The following COL19A1 variants were observed in gnomAD, a reference collection of about 807,000 sequenced individuals.
COL19A1 encodes collagen type XIX alpha 1 chain.
Under a neutral mutation model 190.2 loss-of-function variants are expected in COL19A1, and 159 were observed. The observed-to-expected ratio is 0.84, with a 90% CI of 0.73 to 0.95. The LOEUF (loss-of-function observed/expected upper bound fraction) is 0.95, where lower values mean the gene tolerates loss of function less well. Among genes scored for constraint, COL19A1 ranks in the 40% least tolerant of loss-of-function variants. The pLI is 0.00. For synonymous variants in COL19A1, 509 were observed against 458.9 expected, an observed-to-expected ratio of 1.11 and a Z score of -1.39; for missense variants, 1,418 against 1,431.9, an observed-to-expected ratio of 0.99 and a Z score of 0.16.
At chr6:69,932,900 C>T (rs370416216) in intron 7 of COL19A1, 37 bp downstream of exon 7, 66 of 1,357,202 alleles carry the variant, frequency 4.9e-5, no homozygotes, top group African/African-American at 1.9e-4. Flanking sequence ...GAATGAAGAA[C>T]GCCAATTATC....
Position 69,962,772 on chromosome 6 carries a change from A to G in COL19A1, c.982-54A>G. The G allele has an allele frequency of 3.4e-6, 4 of 1,192,228 alleles. No homozygotes were observed. The East Asian group carries it at 1.0e-4, about 30-fold the overall frequency. 73.9% of individuals were successfully genotyped at this position (1,192,228 alleles called of 1,614,324 possible). ...ACATAATTTTTATTGTAAAAATTGC[A>G]TGTGTTATAAGTATCATTTTTATTA... On this transcript the variant is annotated intron_variant, in intron 10 of 50. Coordinates refer to ENST00000620364, the MANE Select transcript of COL19A1 (RefSeq NM_001858.6).
intron 10 of COL19A1, among the ~76,000 whole-genome samples, chr6:69,960,319 G>A (rs1332448824): frequency 6.6e-6 from 1 of 152,126 alleles, no homozygotes; most frequent in Non-Finnish European, 1.5e-5. Context: ...CTCTGGAAAC[G>A]TTTCTGCTTT....
At chr6:69,958,653 CTGTGA>C (rs1162920514) in intron 9 of COL19A1, among the ~76,000 whole-genome samples, 1 of 152,088 alleles carries the variant, frequency 6.6e-6, no homozygotes, top group Non-Finnish European at 1.5e-5. Context: ...TTAGTATATA[CTGTGA>C]TGATAGCTGT....
At chr6:70,049,470 T>G (rs1432491502) in intron 14 of COL19A1, among the ~76,000 whole-genome samples, 1 of 152,000 alleles carries the variant, frequency 6.6e-6, no homozygotes, top group Non-Finnish European at 1.5e-5. Flanking sequence ...CAGGGAAGAT[T>G]TATGTTTTGG....
chr6:69,983,699 C>T (rs1382235119), intron 11 of COL19A1, among the ~76,000 whole-genome samples: 1 of 152,200 alleles, frequency 6.6e-6, no homozygotes, highest in East Asian at 1.9e-4. Flanking sequence ...GCTTTTTCCA[C>T]ATCTGATGAG....
intron 6 of COL19A1, 95 bp downstream of exon 6, chr6:69,929,795 A>C: frequency 8.7e-7 from 1 of 1,147,164 alleles, no homozygotes; most frequent in Admixed American, 2.6e-5. Context: ...TGTGTAATAG[A>C]TTCCCTTCTC....
intron 27 of COL19A1, among the ~76,000 whole-genome samples, chr6:70,148,291 G>A (rs1182781087): frequency 6.6e-6 from 1 of 151,568 alleles, no homozygotes; most frequent in Admixed American, 6.6e-5. Context: ...TCACCTCATT[G>A]GAACAAAAGG....
intron 4 of COL19A1, among the ~76,000 whole-genome samples, chr6:69,923,855 G>A (rs1772170805): frequency 1.3e-5 from 2 of 152,108 alleles, no homozygotes; most frequent in Non-Finnish European, 2.9e-5. Context: ...CACACACATA[G>A]GCCTTCAGCA....
chr6:70,080,365 T>C (rs1251736100), intron 15 of COL19A1, among the ~76,000 whole-genome samples: 1 of 152,170 alleles, frequency 6.6e-6, no homozygotes, highest in African/African-American at 2.4e-5. Flanking sequence ...TAAGAAAAAG[T>C]CTATTATTGC....
chr6:70,173,165 G>A (rs146725992), intron 41 of COL19A1, among the ~76,000 whole-genome samples: 190 of 152,286 alleles, frequency 1.2e-3, no homozygotes, highest in African/African-American at 4.2e-3. Context: ...AATTTTGTAC[G>A]TGAGACCAAA....
At chr6:70,143,539 T>G (rs1386742558) in intron 23 of COL19A1, among the ~76,000 whole-genome samples, 2 of 152,106 alleles carry the variant, frequency 1.3e-5, no homozygotes, top group Non-Finnish European at 2.9e-5. Flanking sequence ...TCTTAGGATC[T>G]CTCCTTTTTT....
At chr6:70,075,978 C>T (rs1781861998) in intron 15 of COL19A1, among the ~76,000 whole-genome samples, 3 of 152,136 alleles carry the variant, frequency 2.0e-5, no homozygotes, top group Non-Finnish European at 4.4e-5. Context: ...AAATAGGACC[C>T]TGAGTCTGAA....
chr6:70,029,027 T>G (rs1353317808), intron 12 of COL19A1, among the ~76,000 whole-genome samples: 1 of 152,162 alleles, frequency 6.6e-6, no homozygotes, highest in Non-Finnish European at 1.5e-5. Context: ...AAGTATCCCT[T>G]ATTAGAATTA....
chr6:70,148,938 A>AG (rs1210531499), intron 27 of COL19A1, among the ~76,000 whole-genome samples: 1 of 144,518 alleles, frequency 6.9e-6, no homozygotes, highest in Admixed American at 6.9e-5. Context: ...AAAAAAAAAA[A>AG]GAAAAGAAAA....
intron 16 of COL19A1, among the ~76,000 whole-genome samples, chr6:70,106,861 G>C (rs1030011736): frequency 2.0e-5 from 3 of 152,178 alleles, no homozygotes; most frequent in African/African-American, 7.2e-5. Flanking sequence ...TTACGACTGA[G>C]AACAGTTTTT....
chr6:70,137,878 A>C (rs565808085), intron 19 of COL19A1, 131 bp downstream of exon 19: 2 of 754,696 alleles, frequency 2.7e-6, no homozygotes, highest in East Asian at 5.2e-5. Context: ...CAGATCTTCA[A>C]GCAAGTACTA....
chr6:70,175,735 A>C (rs890013000), intron 41 of COL19A1, among the ~76,000 whole-genome samples: 1 of 152,046 alleles, frequency 6.6e-6, no homozygotes, highest in Non-Finnish European at 1.5e-5. Context: ...CTTTAGTATC[A>C]TTTGATCACA....
At chr6:69,934,936 T>C (rs533751739) in intron 7 of COL19A1, among the ~76,000 whole-genome samples, 1 of 152,104 alleles carries the variant, frequency 6.6e-6, no homozygotes, top group South Asian at 2.1e-4. Flanking sequence ...AACTCAGAAA[T>C]TTTTAATGTA....
chr6:70,007,080 C>A (rs530237701), intron 11 of COL19A1, among the ~76,000 whole-genome samples: 2 of 152,138 alleles, frequency 1.3e-5, no homozygotes, highest in African/African-American at 4.8e-5. Flanking sequence ...CTTTACCCAA[C>A]CCAATGTTAG....
Sources: allele counts gnomAD v4.1 joint callset (sites outside exome capture counted in the v4.1 genomes callset), GRCh38; gene constraint gnomAD v4.1.1; transcripts MANE v1.5; gene names NCBI Gene and HGNC (gene_info 2026-07-23, HGNC 2026-07-21).